Variants in ANK1 observed in about 807,000 individuals in gnomAD.
ANK1 encodes the protein ankyrin-1.
In ANK1, 51 loss-of-function variants were observed where a neutral mutation model predicts 210.4. The ratio of observed to expected loss-of-function variants is 0.24; its 90% CI spans 0.19 to 0.31. The LOEUF is 0.31. Among genes scored for constraint, ANK1 ranks in the 10% least tolerant of loss-of-function variants. The pLI is 1.00. For synonymous variants in ANK1, 967 were observed against 1,025.9 expected (o/e 0.94, Z 1.10); for missense variants, 2,051 against 2,504.4 (o/e 0.82, Z 3.86).
chr8:41,864,041 G>A (rs1399852632), intron 1 of ANK1, among the ~76,000 whole-genome samples: 1 of 152,080 alleles, frequency 6.6e-6, no homozygotes, highest in Non-Finnish European at 1.5e-5. Flanking sequence ...TCAGGAGATC[G>A]AGATCCAGAG....
chr8:41,719,847 G>A lies in ANK1; in HGVS notation c.921C>T (p.Ser307=), dbSNP rs757803149. The A allele has an allele frequency of 1.5e-5, 25 of 1,614,184 alleles. No homozygotes were observed. Among genetic ancestry groups the A allele is most frequent in the Non-Finnish European group, 1.6e-5 (19 of 1,180,040 alleles). The part of the protein sequence containing the change: ...PIQAKTKNGL[S]PIHMAAQGDH... Reference sequence around the variant, plus strand: ...CTCCCTGAGCCGCCATGTGAATTGGGGACAGGCCGTTCTGGGTAAAGAGGA... The same window carrying A: ...CTCCCTGAGCCGCCATGTGAATTGGAGACAGGCCGTTCTGGGTAAAGAGGA... Residue 307 remains serine, a synonymous_variant, in exon 10 of 43, where the codon TCC becomes TCT. Coordinates refer to ENST00000289734, the MANE Select transcript of ANK1 (RefSeq NM_000037.4).
chr8:41,693,778 C>T, intron 29 of ANK1, 120 bp downstream of exon 29: 1 of 1,159,654 alleles, frequency 8.6e-7, no homozygotes, highest in Non-Finnish European at 1.2e-6. Context: ...CACCTCACTC[C>T]CGGGGAAGTC....
At chr8:41,746,472 G>A (rs1052764170) in intron 2 of ANK1, among the ~76,000 whole-genome samples, 1 of 152,180 alleles carries the variant, frequency 6.6e-6, no homozygotes, top group African/African-American at 2.4e-5. Flanking sequence ...TTCTCTGTTT[G>A]CTTTGTTGCA....
At chr8:41,855,018 T>C (rs1023083264) in intron 1 of ANK1, among the ~76,000 whole-genome samples, 19 of 152,144 alleles carry the variant, frequency 1.2e-4, no homozygotes, top group African/African-American at 4.1e-4. Flanking sequence ...GAATCTGCAT[T>C]TCCCAAGATT....
rs1199694080 is a variant in ANK1, at chr8:41,703,400, A to ATGTGTGTG, written c.2295+633_2295+640dup. ...TGTGTGTGCATATATATATATGTAT[A>ATGTGTGTG]TGTGTGTGTGTGTGTGTGTGTGTAT... On this transcript the variant is annotated intron_variant, in intron 20 of 42. Coordinates refer to ENST00000289734, the MANE Select transcript of ANK1 (RefSeq NM_000037.4). 5.7e-3 allele frequency among the ~76,000 whole-genome samples: 418 copies of ATGTGTGTG among 73,718 alleles called. 11 individuals carry two copies. Among genetic ancestry groups the ATGTGTGTG allele is most frequent in the African/African-American group, 0.021 (381 of 17,910 alleles). The allele number at this position is 73,718 out of a possible 152,430, so 48.4% of individuals were successfully genotyped here.
At chr8:41,782,079 G>T (rs1402167301) in intron 1 of ANK1, among the ~76,000 whole-genome samples, 1 of 152,186 alleles carries the variant, frequency 6.6e-6, no homozygotes, top group Non-Finnish European at 1.5e-5. Flanking sequence ...GTGACAATGT[G>T]CAGAGCCCTC....
chr8:41,880,636 G>T (rs1438049142), intron 1 of ANK1, among the ~76,000 whole-genome samples: 2 of 152,186 alleles, frequency 1.3e-5, no homozygotes, highest in Admixed American at 6.5e-5. Context: ...ACCAAACCCC[G>T]CAAACACCTG....
At chr8:41,730,512 C>A (rs1411866938) in intron 3 of ANK1, among the ~76,000 whole-genome samples, 1 of 151,612 alleles carries the variant, frequency 6.6e-6, no homozygotes, top group Admixed American at 6.6e-5. Flanking sequence ...TAAAGGCAGG[C>A]ACTTCCCATC....
intron 1 of ANK1, among the ~76,000 whole-genome samples, chr8:41,872,768 GC>G (rs916723204): frequency 1.3e-5 from 2 of 152,198 alleles, no homozygotes; most frequent in African/African-American, 4.8e-5. Context: ...ACAGAGGCCT[GC>G]CCAGGTCTCT....
chr8:41,798,547 C>T (rs1035384927), upstream of ANK1, among the ~76,000 whole-genome samples: 8 of 152,200 alleles, frequency 5.3e-5, no homozygotes, highest in African/African-American at 1.2e-4. Context: ...TTGCAACGTC[C>T]GCCCGTCCAA....
chr8:41,668,529 G>A lies in ANK1; in HGVS notation c.5132C>T (p.Ser1711Leu), dbSNP rs267601922. The change falls in exon 39 of 43, where the codon TCA becomes TTA. Residue 1711 changes from serine (S) to leucine (L), a missense_variant. By Grantham distance (145) the Ser-to-Leu change is moderately radical (BLOSUM62 -2). Coordinates refer to ENST00000289734, the MANE Select transcript of ANK1 (RefSeq NM_000037.4). ...ACCTTGTGCAGCATCTTGCAGGTAT[G>A]AGACAATCGAGCCGTCTGCATCCCA... ...QDWDADGSIV[S>L]YLQDAAQGSW... 2 of 1,614,092 alleles carry A rather than the reference G, an allele frequency of 1.2e-6. No homozygotes were observed. Among genetic ancestry groups the A allele is most frequent in the South Asian group, 2.2e-5 (2 of 91,078 alleles).
chr8:41,732,928 G>C (rs1832581904), intron 3 of ANK1, among the ~76,000 whole-genome samples: 1 of 151,972 alleles, frequency 6.6e-6, no homozygotes, highest in African/African-American at 2.4e-5. Flanking sequence ...AGTAGAGACG[G>C]GGTTTCACCA....
intron 1 of ANK1, among the ~76,000 whole-genome samples, chr8:41,855,887 T>C (rs1189679563): frequency 6.6e-6 from 1 of 152,002 alleles, no homozygotes; most frequent in African/African-American, 2.4e-5. Flanking sequence ...CATCATCTAG[T>C]GTAGGCCGGG....
intron 1 of ANK1, among the ~76,000 whole-genome samples, chr8:41,846,291 C>T (rs1412142264): frequency 6.6e-6 from 1 of 152,266 alleles, no homozygotes; most frequent in Non-Finnish European, 1.5e-5. Context: ...CAGCAGCCCA[C>T]ACTGCCCATT....
intron 12 of ANK1, 38 bp from the exon 13 acceptor site, chr8:41,717,089 C>T: frequency 6.2e-7 from 1 of 1,607,412 alleles, no homozygotes; most frequent in Non-Finnish European, 8.5e-7. Context: ...TTCATACATG[C>T]CTGCTGTCCA....
intron 39 of ANK1, among the ~76,000 whole-genome samples, chr8:41,666,067 C>T (rs1461518260): frequency 6.6e-6 from 1 of 152,254 alleles, no homozygotes; most frequent in Non-Finnish European, 1.5e-5. Flanking sequence ...ACACAGCAGA[C>T]TAACCCTGCA....
intron 17 of ANK1, 125 bp from the exon 18 acceptor site, chr8:41,706,366 C>T: frequency 2.3e-6 from 2 of 859,348 alleles, no homozygotes; most frequent in Non-Finnish European, 3.8e-6. Context: ...TGGCTCCAGG[C>T]AAAGCTCTTC....
In ANK1 at chr8:41,764,684, T is replaced by C. The variant is rs80114952; in HGVS notation, c.28-6547A>G. ...TGGTGTCTCTTCCCCTCCTCATCTC[T>C]AGCTTCGTTTTAATCTAATTCTACC... On this transcript the variant is annotated intron_variant, in intron 1 of 42. Transcript: ENST00000289734. Among the ~76,000 whole-genome samples the C allele has an allele frequency of 4.5e-3, 681 of 152,292 alleles. 5 individuals are homozygous for C. Among genetic ancestry groups the C allele is most frequent in the African/African-American group, 0.016 (655 of 41,562 alleles).
chr8:41,748,885 A>G (rs1836889681), intron 2 of ANK1, among the ~76,000 whole-genome samples: 1 of 152,126 alleles, frequency 6.6e-6, no homozygotes, highest in Non-Finnish European at 1.5e-5. Flanking sequence ...AATACAAAAA[A>G]TTAGCCGGGC....
Sources: gnomAD v4.1 joint callset for allele counts (sites outside exome capture counted in the v4.1 genomes callset) on GRCh38, gnomAD v4.1.1 for gene constraint, MANE v1.5 for transcripts, NCBI Gene and HGNC (gene_info 2026-07-23, HGNC 2026-07-21) for gene names.